DNAH11: variants seen among roughly 807,000 people sequenced by gnomAD.
DNAH11 encodes axonemal beta dynein heavy chain 11.
In DNAH11, 442 loss-of-function variants were observed where a neutral mutation model predicts 526.0. The ratio of observed to expected loss-of-function variants is 0.84; its 90% CI spans 0.78 to 0.91. DNAH11 has a LOEUF of 0.91. Among genes scored for constraint, DNAH11 ranks in the 40% least tolerant of loss-of-function variants. The pLI is 0.00. For missense variants in DNAH11, 6,989 were observed against 5,448.7 expected (o/e 1.28, Z -8.90); for synonymous variants, 2,461 against 1,935.9 (o/e 1.27, Z -7.12).
intron 57 of DNAH11, among the ~76,000 whole-genome samples, chr7:21,781,251 C>T (rs548346240): frequency 4.2e-4 from 64 of 152,258 alleles, no homozygotes; most frequent in African/African-American, 1.3e-3. Context: ...TACACAGCCA[C>T]GTTTAACATG....
intron 66 of DNAH11, among the ~76,000 whole-genome samples, chr7:21,844,931 A>C (rs1486445012): frequency 2.0e-5 from 3 of 152,224 alleles, no homozygotes; most frequent in Non-Finnish European, 4.4e-5. Context: ...TGGAACTGCA[A>C]CATGCCAGGA....
intron 45 of DNAH11, among the ~76,000 whole-genome samples, chr7:21,732,554 C>A (rs889033765): frequency 6.6e-6 from 1 of 152,178 alleles, no homozygotes; most frequent in Non-Finnish European, 1.5e-5. Flanking sequence ...AATAACATCA[C>A]ATTCTGAGGT....
At chr7:21,752,957 C>T (rs1234811225) in intron 54 of DNAH11, among the ~76,000 whole-genome samples, 4 of 152,072 alleles carry the variant, frequency 2.6e-5, no homozygotes, top group Non-Finnish European at 5.9e-5. Flanking sequence ...CATGTCCACC[C>T]GCCTTGGCCT....
intron 65 of DNAH11, among the ~76,000 whole-genome samples, chr7:21,826,903 T>C (rs944167037): frequency 6.6e-6 from 1 of 152,236 alleles, no homozygotes; most frequent in Non-Finnish European, 1.5e-5. Context: ...TTAACCAGTA[T>C]TAGTTTATTC....
intron 65 of DNAH11, among the ~76,000 whole-genome samples, chr7:21,830,842 T>C (rs1366545081): frequency 2.0e-5 from 3 of 152,224 alleles, no homozygotes; most frequent in Admixed American, 6.5e-5. Flanking sequence ...GTACTCATAA[T>C]AGGTACTCAG....
At chr7:21,817,519 CAAAAAAAAAAAAAAA>C (rs10532841) in intron 64 of DNAH11, among the ~76,000 whole-genome samples, 1 of 86,432 alleles carries the variant, frequency 1.2e-5, no homozygotes, top group Admixed American at 1.3e-4. Flanking sequence ...CCATCTCTAC[CAAAAAAAAAAAAAAA>C]AAAAAAAAAG....
At chr7:21,732,801 A>C (rs765004267) in intron 45 of DNAH11, among the ~76,000 whole-genome samples, 2 of 152,198 alleles carry the variant, frequency 1.3e-5, no homozygotes, top group Non-Finnish European at 2.9e-5. Context: ...AGATGTCTCT[A>C]GTGGTTCCAG....
intron 27 of DNAH11, 126 bp downstream of exon 27, chr7:21,637,828 C>A: frequency 1.9e-6 from 1 of 534,652 alleles, no homozygotes; most frequent in Non-Finnish European, 3.1e-6. Context: ...TGTAATTTTG[C>A]TTATAATTAT....
At chr7:21,897,364 C>CAT (rs1784554133) in intron 79 of DNAH11, among the ~76,000 whole-genome samples, 2 of 142,254 alleles carry the variant, frequency 1.4e-5, no homozygotes, top group African/African-American at 2.6e-5. Context: ...TATAATAACA[C>CAT]CCTCAGTTGG....
intron 35 of DNAH11, among the ~76,000 whole-genome samples, chr7:21,692,555 T>A (rs904574624): frequency 2.6e-5 from 4 of 152,244 alleles, no homozygotes; most frequent in Non-Finnish European, 5.9e-5. Flanking sequence ...TACTGCAATT[T>A]GTTGATCCAT....
rs535606690 is a variant in DNAH11, at chr7:21,813,127, T to C, written c.10333-3340T>C. On this transcript the variant is annotated intron_variant, in intron 63 of 81. Coordinates refer to ENST00000409508, the MANE Select transcript of DNAH11 (RefSeq NM_001277115.2). The stretch of plus-strand genomic sequence containing the variant: ...CAGGGGCTGTGGGCATACATGGCCT[T>C]GAGGGTTCAAATTACACTGTTTTCC... 3.3e-5 allele frequency among the ~76,000 whole-genome samples: 5 copies of C among 152,174 alleles called. No individual in the cohort carries two copies. The South Asian group carries it at 8.3e-4, about 25-fold the overall frequency.
intron 48 of DNAH11, among the ~76,000 whole-genome samples, chr7:21,741,560 C>T (rs1785900001): frequency 6.6e-6 from 1 of 152,178 alleles, no homozygotes; most frequent in Non-Finnish European, 1.5e-5. Flanking sequence ...CTTGGCTGGG[C>T]TCATCTGTGC....
chr7:21,823,303 T>G (rs1418885097), intron 65 of DNAH11, among the ~76,000 whole-genome samples: 1 of 152,152 alleles, frequency 6.6e-6, no homozygotes, highest in Admixed American at 6.6e-5. Context: ...AAGCCTCATT[T>G]GTTTCCCCAT....
intron 13 of DNAH11, 57 bp from the exon 14 acceptor site, chr7:21,591,128 A>G: frequency 8.5e-6 from 13 of 1,524,976 alleles, no homozygotes; most frequent in Non-Finnish European, 9.6e-6. Context: ...CACCTTTAAG[A>G]CAGAGAAAAT....
At chr7:21,562,141 T>G (rs182566328) in intron 5 of DNAH11, among the ~76,000 whole-genome samples, 1 of 152,228 alleles carries the variant, frequency 6.6e-6, no homozygotes, top group Non-Finnish European at 1.5e-5. Context: ...TATTAACACC[T>G]TCCTTGAAGA....
chr7:21,884,990 T>G (rs758379412), intron 76 of DNAH11, among the ~76,000 whole-genome samples: 17 of 151,946 alleles, frequency 1.1e-4, no homozygotes, highest in Non-Finnish European at 2.5e-4. Flanking sequence ...ATTAGCCTGA[T>G]TTAACCATTC....
rs1486048482 is a variant in DNAH11, at chr7:21,869,437, A to G, written c.11967+446A>G. ...ACCAGGTCCTTGTCACACAACCAGAAAGGACTAGGAACACAGACACATTGA... is the reference window on the plus strand; with the variant it reads ...ACCAGGTCCTTGTCACACAACCAGAGAGGACTAGGAACACAGACACATTGA... On this transcript the variant is annotated intron_variant, in intron 73 of 81. Coordinates refer to ENST00000409508, the MANE Select transcript of DNAH11 (RefSeq NM_001277115.2). 6.6e-5 allele frequency among the ~76,000 whole-genome samples: 10 copies of G among 152,194 alleles called. 1 individual carries two copies. The South Asian group carries it at 1.7e-3, about 25-fold the overall frequency.
intron 54 of DNAH11, among the ~76,000 whole-genome samples, chr7:21,764,407 A>T (rs376598021): frequency 1.3e-5 from 2 of 152,306 alleles, no homozygotes; most frequent in East Asian, 3.9e-4. Flanking sequence ...AAAGTGTTAG[A>T]GACTTAGAGG....
At chr7:21,750,798 G>A (rs1786380363) in intron 54 of DNAH11, among the ~76,000 whole-genome samples, 2 of 152,250 alleles carry the variant, frequency 1.3e-5, no homozygotes, top group African/African-American at 2.4e-5. Context: ...TTCAGGGACG[G>A]GAAATGGCAT....
Sources: allele counts gnomAD v4.1 joint callset (sites outside exome capture counted in the v4.1 genomes callset), GRCh38; gene constraint gnomAD v4.1.1; transcripts MANE v1.5; gene names NCBI Gene and HGNC (gene_info 2026-07-23, HGNC 2026-07-21).